The following GAB2 variants were observed in gnomAD, a reference collection of about 807,000 sequenced individuals.
GAB2 encodes the protein GRB2 associated binding protein 2.
In GAB2, 26 loss-of-function variants were observed where a neutral mutation model predicts 65.5. The observed-to-expected ratio is 0.40, with a 90% CI of 0.29 to 0.55. GAB2 has a LOEUF of 0.55. Ranked by LOEUF, GAB2 falls within the 20% of genes least tolerant of loss-of-function variation. GAB2 has a pLI of 0.53. For missense variants in GAB2, 884 were observed against 875.8 expected, an observed-to-expected ratio of 1.01 and a Z score of -0.12; for synonymous variants, 321 against 329.6, an observed-to-expected ratio of 0.97 and a Z score of 0.28.
intron 3 of GAB2, among the ~76,000 whole-genome samples, chr11:78,228,141 A>G: frequency 6.6e-6 from 1 of 152,224 alleles, no homozygotes; most frequent in East Asian, 1.9e-4. Flanking sequence ...CTAGTACGTC[A>G]CAATGATTTC....
chr11:78,346,686 T>TATATATATAC (rs1856186717), intron 1 of GAB2, among the ~76,000 whole-genome samples: 3 of 42,016 alleles, frequency 7.1e-5, no homozygotes, highest in African/African-American at 2.7e-4. Context: ...TATATATATA[T>TATATATATAC]ATATATATAT....
chr11:78,292,635 TA>T (rs1264520962), intron 1 of GAB2, among the ~76,000 whole-genome samples: 2 of 152,202 alleles, frequency 1.3e-5, no homozygotes, highest in Non-Finnish European at 2.9e-5. Flanking sequence ...CCATAATAGT[TA>T]ACAGCAAACA....
At chr11:78,372,981 G>C (rs1036170891) in intron 1 of GAB2, among the ~76,000 whole-genome samples, 8 of 152,126 alleles carry the variant, frequency 5.3e-5, no homozygotes, top group African/African-American at 1.7e-4. Flanking sequence ...AGAAGACCCA[G>C]TAAGAAAGAA....
chr11:78,307,644 C>T (rs1855397370), intron 1 of GAB2, among the ~76,000 whole-genome samples: 1 of 115,968 alleles, frequency 8.6e-6, no homozygotes, highest in African/African-American at 3.7e-5. Flanking sequence ...GATGTTGAGT[C>T]AAAAGATACG....
chr11:78,277,522 C>T (rs1866207713), intron 2 of GAB2, among the ~76,000 whole-genome samples: 1 of 151,930 alleles, frequency 6.6e-6, no homozygotes, highest in Non-Finnish European at 1.5e-5. Context: ...GATACCATCT[C>T]AGGAGATAGG....
chr11:78,380,839 G>C (rs935646614), intron 1 of GAB2, among the ~76,000 whole-genome samples: 2 of 128,252 alleles, frequency 1.6e-5, no homozygotes, highest in African/African-American at 3.0e-5. Context: ...ATCTCAGAAC[G>C]TTGTCCCTCC....
chr11:78,331,729 GAT>G (rs147352141), intron 1 of GAB2, among the ~76,000 whole-genome samples: 2,976 of 152,254 alleles, frequency 0.02, 83 homozygotes, highest in African/African-American at 0.068. Flanking sequence ...CCTAGAAAGG[GAT>G]TACAGAGGTC....
chr11:78,288,508 T>A (rs1257787547), intron 1 of GAB2, among the ~76,000 whole-genome samples: 4 of 151,884 alleles, frequency 2.6e-5, no homozygotes, highest in Admixed American at 2.0e-4. Context: ...GGATACAAGA[T>A]AATCATACAG....
chr11:78,396,722 C>T (rs772294684), intron 1 of GAB2, among the ~76,000 whole-genome samples: 11 of 152,132 alleles, frequency 7.2e-5, no homozygotes, highest in African/African-American at 7.2e-5. Flanking sequence ...CTCAGCCACC[C>T]GAGCAGCTGA....
chr11:78,281,894 G>C (rs1866346138), intron 1 of GAB2, among the ~76,000 whole-genome samples: 2 of 152,174 alleles, frequency 1.3e-5, no homozygotes, highest in African/African-American at 4.8e-5. Context: ...CTAAGGCAGG[G>C]TGAGTTGAAG....
Position 78,394,596 on chromosome 11 carries a change from G to C in GAB2, c.75+23050C>G, listed in dbSNP as rs533032868. Reference sequence around the variant, plus strand: ...CTTGTGAATATCTGATCAGGCAGTCGACTTACAGATTTGGCCTGCACCAAT... The same window carrying C: ...CTTGTGAATATCTGATCAGGCAGTCCACTTACAGATTTGGCCTGCACCAAT... On this transcript the variant is annotated intron_variant, in intron 1 of 9. Coordinates refer to ENST00000361507, the MANE Select transcript of GAB2 (RefSeq NM_080491.3). Among the ~76,000 whole-genome samples the C allele has an allele frequency of 2.0e-5, 3 of 152,210 alleles. No individual in the cohort carries two copies. In the East Asian group the frequency reaches 5.8e-4, roughly 29 times the overall value.
At chr11:78,338,151 A>G (rs1483036054) in intron 1 of GAB2, among the ~76,000 whole-genome samples, 1 of 152,226 alleles carries the variant, frequency 6.6e-6, no homozygotes, top group Non-Finnish European at 1.5e-5. Flanking sequence ...AGAGCATTGA[A>G]TGTTCAATGT....
At chr11:78,322,309 A>AAAAAAAAAAAAAAAAAAC in intron 1 of GAB2, among the ~76,000 whole-genome samples, 1 of 145,092 alleles carries the variant, frequency 6.9e-6, no homozygotes, top group Non-Finnish European at 1.5e-5. Context: ...AAAAAAAAAA[A>AAAAAAAAAAAAAAAAAAC]AAAAAAAAAA....
intron 1 of GAB2, among the ~76,000 whole-genome samples, chr11:78,367,983 A>AT (rs1369089537): frequency 2.0e-5 from 3 of 151,180 alleles, no homozygotes; most frequent in East Asian, 3.9e-4. Flanking sequence ...CGCCCGGCTA[A>AT]TTTTTTGTAT....
intron 2 of GAB2, among the ~76,000 whole-genome samples, chr11:78,258,485 C>T (rs548000535): frequency 6.6e-6 from 1 of 152,292 alleles, no homozygotes; most frequent in South Asian, 2.1e-4. Flanking sequence ...TTCCCAGACA[C>T]AGGTTCTGAA....
intron 3 of GAB2, among the ~76,000 whole-genome samples, chr11:78,239,136 A>G (rs1349998657): frequency 1.3e-5 from 2 of 152,262 alleles, no homozygotes; most frequent in East Asian, 1.9e-4. Flanking sequence ...AAAATGGCCA[A>G]GAAGAAACCC....
At position 78,280,888 on chromosome 11, in the gene GAB2, C is replaced by T. The variant is rs1482889653; in HGVS notation, c.89G>A (p.Arg30His). 7 of 1,613,448 alleles carry T rather than the reference C, an allele frequency of 4.3e-6. No individual in the cohort carries two copies. The highest frequency in any genetic ancestry group is 1.3e-5 in the African/African-American group (1 of 74,908). The change falls in exon 2 of 10, where the codon CGC becomes CAC. Residue 30 changes from arginine to histidine, a missense_variant. Physicochemically the swap from Arg to His is conservative, Grantham distance 29. Coordinates refer to ENST00000361507, the MANE Select transcript of GAB2 (RefSeq NM_080491.3). ...KKLRRYAWKK[R>H]WFILRSGRMS... Reference sequence around the variant, plus strand: ...CCGGCCACTCCGCAGGATAAACCAGCGTTTCTTCCAGGCCTAAATCATATC... The same window carrying T: ...CCGGCCACTCCGCAGGATAAACCAGTGTTTCTTCCAGGCCTAAATCATATC...
At chr11:78,335,236 G>A (rs1855978354) in intron 1 of GAB2, among the ~76,000 whole-genome samples, 1 of 152,172 alleles carries the variant, frequency 6.6e-6, no homozygotes, top group Non-Finnish European at 1.5e-5. Flanking sequence ...TCAGAAGCTT[G>A]TTAACTTGAT....
At chr11:78,254,658 G>C (rs558517596) in intron 2 of GAB2, among the ~76,000 whole-genome samples, 22 of 152,134 alleles carry the variant, frequency 1.4e-4, no homozygotes, top group African/African-American at 5.3e-4. Context: ...AATTAACTGG[G>C]CGTGGTGGTG....
Sources: allele counts gnomAD v4.1 joint callset (sites outside exome capture counted in the v4.1 genomes callset), GRCh38; gene constraint gnomAD v4.1.1; transcripts MANE v1.5; gene names NCBI Gene and HGNC (gene_info 2026-07-23, HGNC 2026-07-21).